The following PDCD5 variants were observed in gnomAD, a reference collection of about 807,000 sequenced individuals.
The protein encoded by PDCD5 is programmed cell death 5.
In PDCD5, 23 loss-of-function variants were observed where a neutral mutation model predicts 21.9. The observed-to-expected ratio is 1.05, with a 90% CI of 0.76 to 1.49. The LOEUF is 1.49. Among genes scored for constraint, PDCD5 ranks in the 40% most tolerant of loss-of-function variants. PDCD5 has a pLI of 0.00. For synonymous variants in PDCD5, 45 were observed against 49.4 expected (o/e 0.91, Z 0.37); for missense variants, 152 against 147.7 (o/e 1.03, Z -0.15).
chr19:32,586,037 T>C (rs775849534), intron 4 of PDCD5, 130 bp downstream of exon 4: 11 of 1,586,516 alleles, frequency 6.9e-6, no homozygotes, highest in East Asian at 2.3e-5. Flanking sequence ...TTGGAGAGAA[T>C]AGTCATACCT....
intron 2 of PDCD5, among the ~76,000 whole-genome samples, chr19:32,582,693 T>A (rs1445535489): frequency 6.6e-6 from 1 of 152,250 alleles, no homozygotes; most frequent in Non-Finnish European, 1.5e-5. Context: ...TATCATTTTT[T>A]AAAAATTGTG....
chr19:32,583,485 A>G (rs975283718), intron 2 of PDCD5, among the ~76,000 whole-genome samples: 2 of 150,958 alleles, frequency 1.3e-5, no homozygotes, highest in African/African-American at 4.9e-5. Flanking sequence ...GCCTCGCTAT[A>G]TCACCCAGGC....
At chr19:32,584,564 A>C (rs1366365904) in intron 2 of PDCD5, among the ~76,000 whole-genome samples, 3 of 152,200 alleles carry the variant, frequency 2.0e-5, no homozygotes, top group Non-Finnish European at 2.9e-5. Context: ...TCTCAGCTTT[A>C]TCTCTAAGAA....
rs73926089 is a variant in PDCD5 at position 32,581,985 on chromosome 19, C to T, written c.67-210C>T. ...CCCCTCCCCAGGGTGCTCTGTATTCCAAAGCCTTCTGAGGTTGTGGTTTTA... is the reference window on the plus strand; with the variant it reads ...CCCCTCCCCAGGGTGCTCTGTATTCTAAAGCCTTCTGAGGTTGTGGTTTTA... On this transcript the variant is annotated intron_variant, in intron 1 of 5. Coordinates refer to ENST00000590247, the MANE Select transcript of PDCD5 (RefSeq NM_004708.4). 2.8e-3 allele frequency among the ~76,000 whole-genome samples: 423 copies of T among 152,232 alleles called. 2 individuals are homozygous for T. Among genetic ancestry groups the T allele is most frequent in the African/African-American group, 9.7e-3 (403 of 41,534 alleles).
chr19:32,585,807 TC>T lies in PDCD5; in HGVS notation c.167-8del, dbSNP rs1244656126. 6.6e-7 allele frequency: 1 copy of T among 1,504,656 alleles called. No homozygotes were observed. The highest frequency in any genetic ancestry group is 9.2e-7 in the Non-Finnish European group (1 of 1,083,060). The allele number at this position is 1,504,656 out of a possible 1,614,324, so 93.2% of individuals were successfully genotyped here. A position where few individuals can be genotyped will look rare whatever the true frequency, so the allele number is the denominator to read the frequency against. The stretch of plus-strand genomic sequence containing the variant: ...ATGGATTTTTTGCATATGTATTTTT[TC>T]TTTTTAGTAAGTAACTTAGCACTTG... On this transcript the variant is annotated splice_region_variant and splice_polypyrimidine_tract_variant and intron_variant, in intron 3 of 5. Transcript: ENST00000590247.
chr19:32,585,137 A>G, intron 3 of PDCD5, 126 bp downstream of exon 3: 1 of 745,314 alleles, frequency 1.3e-6, no homozygotes, highest in Non-Finnish European at 2.4e-6. Flanking sequence ...GATGTGTAAG[A>G]AGTGTGAAGT....
In PDCD5 at chr19:32,587,059, G is replaced by T. The variant is rs145293751; in HGVS notation, c.330+130G>T. On this transcript the variant is annotated intron_variant, in intron 5 of 5. Coordinates refer to ENST00000590247, the MANE Select transcript of PDCD5 (RefSeq NM_004708.4). ...CTTTTGTCAAACACGTGAAAGTTTG[G>T]GGAGAAAGGCTGAATCTGTTGGGGG... is the stretch of plus-strand genomic sequence containing the variant. 22 of 923,154 alleles carry T rather than the reference G, an allele frequency of 2.4e-5. No individual in the cohort carries two copies. The African/African-American group carries it at 3.7e-4, about 15-fold the overall frequency. 57.2% of individuals were successfully genotyped at this position (923,154 alleles called of 1,614,324 possible).
At chr19:32,581,743 G>C (rs77474308) in intron 1 of PDCD5, 121 of 211,676 alleles carry the variant, frequency 5.7e-4, no homozygotes, top group African/African-American at 2.8e-3. Flanking sequence ...GAGCGCGGCA[G>C]GGTCGGAGGA....
chr19:32,584,847 G>A (rs1971460867), intron 2 of PDCD5, 103 bp from the exon 3 acceptor site: 2 of 852,142 alleles, frequency 2.3e-6, no homozygotes, highest in Non-Finnish European at 4.1e-6. Context: ...GTATACCGCA[G>A]GCCCCATGTG....
chr19:32,585,438 G>T (rs1971467115), intron 3 of PDCD5, among the ~76,000 whole-genome samples: 1 of 152,140 alleles, frequency 6.6e-6, no homozygotes, highest in Admixed American at 6.5e-5. Flanking sequence ...GAATGAACTG[G>T]TATTTTCTGT....
intron 4 of PDCD5, 35 bp downstream of exon 4, chr19:32,585,942 A>AAGG: frequency 2.5e-6 from 4 of 1,614,046 alleles, no homozygotes; most frequent in Non-Finnish European, 3.4e-6. Flanking sequence ...CTTTACTGTT[A>AAGG]CCTGCTTTAT....
Position 32,581,327 on chromosome 19 carries a change from G to A in PDCD5, c.66G>A (p.Gly22=). 1 of 1,511,478 alleles carries A rather than the reference G, an allele frequency of 6.6e-7. No homozygotes were observed. Among genetic ancestry groups the A allele is most frequent in the Non-Finnish European group, 8.8e-7 (1 of 1,132,784 alleles). 93.6% of individuals were successfully genotyped at this position (1,511,478 alleles called of 1,614,324 possible). A position where few individuals can be genotyped will look rare whatever the true frequency, so the allele number is the denominator to read the frequency against. Residue 22 remains glycine, a splice_region_variant and synonymous_variant, in exon 1 of 6, where the codon GGG becomes GGA. Coordinates refer to ENST00000590247, the MANE Select transcript of PDCD5 (RefSeq NM_004708.4). The part of the protein sequence containing the change: ...QRLAELQAKH[G]DPGDAAQQEA... ...TGGCCGAGCTGCAGGCCAAACACGG[G>A]GTGAGCGCATCAGCCCCCGCCAGGC... is the stretch of plus-strand genomic sequence containing the variant.
chr19:32,586,884 C>T lies in PDCD5; in HGVS notation c.285C>T (p.Ile95=). 6.2e-7 allele frequency: 1 copy of T among 1,612,346 alleles called. No individual in the cohort carries two copies. The highest frequency in any genetic ancestry group is 8.5e-7 in the Non-Finnish European group (1 of 1,179,410). ...TATCAGAACAAGGTTTAATAGAAAT[C>T]CTTAAAAAAGTAAGCCAACAAACAG... ...EKVSEQGLIE[I]LKKVSQQTEK... is the part of the protein sequence containing the mutation. Residue 95 remains isoleucine (I), a synonymous_variant, in exon 5 of 6, where the codon ATC becomes ATT. Coordinates refer to ENST00000590247, the MANE Select transcript of PDCD5 (RefSeq NM_004708.4).
rs1487298641 is a variant in PDCD5 at position 32,581,242 on chromosome 19, T to C, written c.-20T>C. 1 of 1,483,870 alleles carries C rather than the reference T, an allele frequency of 6.7e-7. No individual in the cohort carries two copies. Among genetic ancestry groups the C allele is most frequent in the South Asian group, 1.3e-5 (1 of 78,804 alleles). 91.9% of individuals were successfully genotyped at this position (1,483,870 alleles called of 1,614,324 possible). On this transcript the variant is annotated 5_prime_UTR_variant, in exon 1 of 6. Coordinates refer to ENST00000590247, the MANE Select transcript of PDCD5 (RefSeq NM_004708.4). Reference sequence around the variant, plus strand: ...GGGCTGCGAGAGTGACCGCGGCTGCTCCAGCGCTGACGCCGAGCCATGGCG... The same window carrying C: ...GGGCTGCGAGAGTGACCGCGGCTGCCCCAGCGCTGACGCCGAGCCATGGCG...
At position 32,581,256 on chromosome 19, in the gene PDCD5, C is replaced by T. The variant is rs747402120; in HGVS notation, c.-6C>T. The T allele has an allele frequency of 6.0e-6, 9 of 1,509,400 alleles. No homozygotes were observed. The East Asian group carries it at 1.9e-4, about 32-fold the overall frequency. The allele number at this position is 1,509,400 out of a possible 1,614,324, so 93.5% of individuals were successfully genotyped here. ...ACCGCGGCTGCTCCAGCGCTGACGC[C>T]GAGCCATGGCGGACGAGGAGCTTGA... is the stretch of plus-strand genomic sequence containing the variant. On this transcript the variant is annotated 5_prime_UTR_variant, in exon 1 of 6. Coordinates refer to ENST00000590247, the MANE Select transcript of PDCD5 (RefSeq NM_004708.4).
rs1281866354 is a variant in PDCD5 at position 32,581,236 on chromosome 19, G to T, written c.-26G>T. 1.4e-6 allele frequency: 2 copies of T among 1,477,960 alleles called. No homozygotes were observed. Among genetic ancestry groups the T allele is most frequent in the Non-Finnish European group, 1.8e-6 (2 of 1,113,448 alleles). 91.6% of individuals were successfully genotyped at this position (1,477,960 alleles called of 1,614,324 possible). Reference sequence around the variant, plus strand: ...GCCGAGGGGCTGCGAGAGTGACCGCGGCTGCTCCAGCGCTGACGCCGAGCC... The same window carrying T: ...GCCGAGGGGCTGCGAGAGTGACCGCTGCTGCTCCAGCGCTGACGCCGAGCC... On this transcript the variant is annotated 5_prime_UTR_variant, in exon 1 of 6. Coordinates refer to ENST00000590247, the MANE Select transcript of PDCD5 (RefSeq NM_004708.4).
rs1337194418 is a variant in PDCD5, at chr19:32,581,202, C to A, written c.-60C>A. The A allele has an allele frequency of 2.3e-6, 3 of 1,300,892 alleles. No homozygotes were observed. Among genetic ancestry groups the A allele is most frequent in the Non-Finnish European group, 3.1e-6 (3 of 976,370 alleles). The allele number at this position is 1,300,892 out of a possible 1,614,324, so 80.6% of individuals were successfully genotyped here. ...CGAGCGCCTGCGCAGTGGTCAAGGC[C>A]GCGCTCGCGCCGAGGGGCTGCGAGA... On this transcript the variant is annotated 5_prime_UTR_variant, in exon 1 of 6. Transcript: ENST00000590247.
At chr19:32,586,495 G>T (rs1971477835) in intron 4 of PDCD5, 1 of 1,100,272 alleles carries the variant, frequency 9.1e-7, no homozygotes, top group East Asian at 6.5e-5. Flanking sequence ...TCAAGGGGAT[G>T]TTTAAGCTTC....
intron 5 of PDCD5, 61 bp from the exon 6 acceptor site, chr19:32,587,192 C>A: frequency 7.7e-7 from 1 of 1,298,198 alleles, no homozygotes; most frequent in Non-Finnish European, 1.1e-6. Context: ...AATCTTTTCT[C>A]GGAAAATCTG....
Sources: allele counts gnomAD v4.1 joint callset (sites outside exome capture counted in the v4.1 genomes callset), GRCh38; gene constraint gnomAD v4.1.1; transcripts MANE v1.5; gene names NCBI Gene and HGNC (gene_info 2026-07-23, HGNC 2026-07-21).